Variants in VPS45 observed in about 807,000 individuals in gnomAD.
The protein encoded by VPS45 is vacuolar protein sorting 45 homolog, also known as vacuolar protein sorting-associated protein 45.
In VPS45, 35 loss-of-function variants were observed where a neutral mutation model predicts 75.9. The observed-to-expected ratio is 0.46, with a 90% CI of 0.35 to 0.61. VPS45 has a LOEUF of 0.61. Ranked by LOEUF, VPS45 falls within the 20% of genes least tolerant of loss-of-function variation. The pLI is 0.00. For synonymous variants in VPS45, 220 were observed against 238.2 expected (o/e 0.92, Z 0.70); for missense variants, 559 against 685.9 (o/e 0.81, Z 2.07).
intron 10 of VPS45, among the ~76,000 whole-genome samples, chr1:150,091,703 T>A (rs1317174683): frequency 6.6e-6 from 1 of 152,242 alleles, no homozygotes; most frequent in African/African-American, 2.4e-5. Context: ...CTATCCATTA[T>A]TAAATTCATT....
chr1:150,124,400 A>C (rs146489495), intron 14 of VPS45, among the ~76,000 whole-genome samples: 3,266 of 152,158 alleles, frequency 0.021, 96 homozygotes, highest in African/African-American at 0.074. Flanking sequence ...CAGAGGTTAC[A>C]GTAAGCCGAG....
chr1:150,084,549 T>G (rs1348648644), intron 10 of VPS45, among the ~76,000 whole-genome samples: 1 of 152,194 alleles, frequency 6.6e-6, no homozygotes, highest in Non-Finnish European at 1.5e-5. Context: ...ACAAGTAATT[T>G]AGGACTACGA....
At chr1:150,135,571 T>C (rs1659032440) in intron 14 of VPS45, among the ~76,000 whole-genome samples, 1 of 151,808 alleles carries the variant, frequency 6.6e-6, no homozygotes. Context: ...TGGCCAGTTA[T>C]GCATTTTTAA....
At chr1:150,141,657 C>T (rs1175224321) in intron 14 of VPS45, among the ~76,000 whole-genome samples, 1 of 152,076 alleles carries the variant, frequency 6.6e-6, no homozygotes, top group Non-Finnish European at 1.5e-5. Flanking sequence ...GGAAAACACC[C>T]TTGATGACAG....
chr1:150,067,960 C>G lies in VPS45; in HGVS notation c.93+10C>G. ...CATGGATAAAGAGACGGTGAGTTTGCTTTTGCTCAGCATTTGTGAAGGAAC... is the reference window on the plus strand; with the variant it reads ...CATGGATAAAGAGACGGTGAGTTTGGTTTTGCTCAGCATTTGTGAAGGAAC... On this transcript the variant is annotated intron_variant, in intron 1 of 14. Transcript: ENST00000644510. 5 of 1,613,450 alleles carry G rather than the reference C, an allele frequency of 3.1e-6. No homozygotes were observed. The highest frequency in any genetic ancestry group is 4.2e-6 in the Non-Finnish European group (5 of 1,179,404).
At chr1:150,108,383 GC>G (rs1198599212) in intron 13 of VPS45, among the ~76,000 whole-genome samples, 2 of 152,142 alleles carry the variant, frequency 1.3e-5, no homozygotes, top group African/African-American at 2.4e-5. Context: ...TTGAAATGTG[GC>G]TAGTGCTACT....
At chr1:150,121,401 A>C (rs371009294) in intron 14 of VPS45, among the ~76,000 whole-genome samples, 1 of 152,310 alleles carries the variant, frequency 6.6e-6, no homozygotes, top group East Asian at 1.9e-4. Context: ...ACCTGAACAC[A>C]TGCTGTCCTA....
intron 2 of VPS45, 52 bp downstream of exon 2, chr1:150,068,816 A>T: frequency 6.8e-7 from 1 of 1,461,208 alleles, no homozygotes; most frequent in Non-Finnish European, 9.1e-7. Context: ...GAACACTCTG[A>T]TCTGAAAGCA....
rs1308290513 is a variant in VPS45 at position 150,086,640 on chromosome 1, A to G, written c.1104+3757A>G. 2.0e-5 allele frequency among the ~76,000 whole-genome samples: 3 copies of G among 152,200 alleles called. No homozygotes were observed. In the East Asian group the frequency reaches 5.8e-4, roughly 29 times the overall value. ...ACAACATTTAGCCAGTATTTTAGAA[A>G]TAGTATTGATCAGCAGAAGATCTAC... On this transcript the variant is annotated intron_variant, in intron 10 of 14. Coordinates refer to ENST00000644510, the MANE Select transcript of VPS45 (RefSeq NM_007259.5).
At chr1:150,107,387 C>T (rs1422474590) in intron 13 of VPS45, among the ~76,000 whole-genome samples, 3 of 152,156 alleles carry the variant, frequency 2.0e-5, no homozygotes, top group Non-Finnish European at 4.4e-5. Flanking sequence ...CCCCCTTTAC[C>T]CCTATCCTCC....
chr1:150,140,655 A>G (rs1054903545), intron 14 of VPS45, among the ~76,000 whole-genome samples: 9 of 152,110 alleles, frequency 5.9e-5, no homozygotes, highest in African/African-American at 2.2e-4. Flanking sequence ...CACTCAGTAA[A>G]TATTTGTTGA....
intron 14 of VPS45, among the ~76,000 whole-genome samples, chr1:150,115,413 C>T (rs1657878177): frequency 6.6e-6 from 1 of 152,064 alleles, no homozygotes; most frequent in Non-Finnish European, 1.5e-5. Context: ...TTGTTAGTAT[C>T]CTCTTTTTTT....
chr1:150,074,448 AGTTT>A (rs1374195743), intron 3 of VPS45, among the ~76,000 whole-genome samples: 1 of 152,144 alleles, frequency 6.6e-6, no homozygotes, highest in Non-Finnish European at 1.5e-5. Context: ...AATGTACCAC[AGTTT>A]GTTTAACTAT....
Position 150,081,421 on chromosome 1 carries a change from G to A in VPS45, c.767G>A (p.Ser256Asn), listed in dbSNP as rs1448919832. ...GATCTTTCCAGAGTGCCGGGAATCA[G>A]TAAAGACTTAAGAGAAGTGGTCCTA... is the stretch of plus-strand genomic sequence containing the variant. ...RIDLSRVPGI[S>N]KDLREVVLSA... The change falls in exon 8 of 15, where the codon AGT becomes AAT. Residue 256 changes from serine to asparagine, a missense_variant. Coordinates refer to ENST00000644510, the MANE Select transcript of VPS45 (RefSeq NM_007259.5). 1.2e-6 allele frequency: 2 copies of A among 1,605,252 alleles called. No homozygotes were observed. Among genetic ancestry groups the A allele is most frequent in the Non-Finnish European group, 1.7e-6 (2 of 1,177,772 alleles).
At chr1:150,124,528 A>G (rs1240160214) in intron 14 of VPS45, among the ~76,000 whole-genome samples, 1 of 141,614 alleles carries the variant, frequency 7.1e-6, no homozygotes, top group African/African-American at 2.6e-5. Context: ...ATCACTGTTA[A>G]TATGTTGGCT....
In VPS45 at chr1:150,081,412, C is replaced by T. The variant is rs143828923; in HGVS notation, c.758C>T (p.Pro253Leu). The change falls in exon 8 of 15, where the codon CCG becomes CTG. Residue 253 changes from proline to leucine, a missense_variant. Physicochemically the swap from Pro to Leu is moderately conservative, Grantham distance 98. Coordinates refer to ENST00000644510, the MANE Select transcript of VPS45 (RefSeq NM_007259.5). ...AATCGGATTGATCTTTCCAGAGTGC[C>T]GGGAATCAGTAAAGACTTAAGAGAA... ...NNNRIDLSRV[P>L]GISKDLREVV... 504 of 1,607,858 alleles carry T rather than the reference C, an allele frequency of 3.1e-4. No homozygotes were observed. Among genetic ancestry groups the T allele is most frequent in the Middle Eastern group, 1.2e-3 (7 of 6,054 alleles).
chr1:150,125,365 A>AT (rs1394641828), intron 14 of VPS45, among the ~76,000 whole-genome samples: 1 of 147,860 alleles, frequency 6.8e-6, no homozygotes, highest in Non-Finnish European at 1.5e-5. Flanking sequence ...ATATATATAT[A>AT]TTTTTATTAT....
intron 13 of VPS45, among the ~76,000 whole-genome samples, chr1:150,094,445 A>C (rs587635619): frequency 6.6e-6 from 1 of 152,302 alleles, no homozygotes; most frequent in South Asian, 2.1e-4. Context: ...TCTGAATGAG[A>C]AAAATGTTTT....
chr1:150,110,653 C>T (rs782236463), intron 14 of VPS45, 26 bp downstream of exon 14: 3 of 1,562,802 alleles, frequency 1.9e-6, no homozygotes, highest in Non-Finnish European at 2.6e-6. Flanking sequence ...CATTCTACAA[C>T]TGTGTCCTCT....
Sources: gnomAD v4.1 joint callset for allele counts (sites outside exome capture counted in the v4.1 genomes callset) on GRCh38, gnomAD v4.1.1 for gene constraint, MANE v1.5 for transcripts, NCBI Gene and HGNC (gene_info 2026-07-23, HGNC 2026-07-21) for gene names.